IGSF21: variants seen among roughly 807,000 people sequenced by gnomAD.
IGSF21 encodes the protein immunoglobulin superfamily member 21.
Under a neutral mutation model 46.8 loss-of-function variants are expected in IGSF21, and 28 were observed. That is an observed-to-expected ratio of 0.60 (90% CI 0.44 to 0.82). The LOEUF (loss-of-function observed/expected upper bound fraction) is 0.82. IGSF21 is among the 40% of genes least tolerant of loss of function. IGSF21 has a pLI of 0.00. For missense variants in IGSF21, 624 were observed against 665.5 expected, an observed-to-expected ratio of 0.94 and a Z score of 0.69; for synonymous variants, 284 against 273.6, an observed-to-expected ratio of 1.04 and a Z score of -0.38.
chr1:18,286,882 G>A (rs1216130777), intron 2 of IGSF21, among the ~76,000 whole-genome samples: 1 of 152,096 alleles, frequency 6.6e-6, no homozygotes, highest in Non-Finnish European at 1.5e-5. Flanking sequence ...GGACAGGACA[G>A]ATAAAGACCC....
intron 4 of IGSF21, among the ~76,000 whole-genome samples, chr1:18,340,067 T>C (rs1054740601): frequency 6.6e-6 from 1 of 152,204 alleles, no homozygotes; most frequent in Non-Finnish European, 1.5e-5. Flanking sequence ...TTCAAATATA[T>C]TATAAGGTGA....
chr1:18,374,978 C>A (rs1027680039), intron 6 of IGSF21, among the ~76,000 whole-genome samples: 7 of 152,196 alleles, frequency 4.6e-5, no homozygotes, highest in African/African-American at 1.7e-4. Flanking sequence ...CCCTCCCTGA[C>A]CTGCCTCTGT....
chr1:18,123,439 C>T (rs1280158930), intron 1 of IGSF21, among the ~76,000 whole-genome samples: 2 of 152,174 alleles, frequency 1.3e-5, no homozygotes, highest in Non-Finnish European at 2.9e-5. Context: ...GGCTGGGGCT[C>T]CAGAGACAAA....
intron 4 of IGSF21, among the ~76,000 whole-genome samples, chr1:18,354,278 C>T (rs1474719481): frequency 6.6e-6 from 1 of 152,184 alleles, no homozygotes; most frequent in Non-Finnish European, 1.5e-5. Context: ...GAGGGAACCA[C>T]AGGCAGCTCA....
chr1:18,233,944 G>A (rs1447053255), intron 2 of IGSF21, among the ~76,000 whole-genome samples: 2 of 152,122 alleles, frequency 1.3e-5, no homozygotes, highest in African/African-American at 4.8e-5. Context: ...CCTTCACAAT[G>A]TTTCATTATT....
chr1:18,148,360 C>T (rs1361913954), intron 1 of IGSF21, among the ~76,000 whole-genome samples: 1 of 152,066 alleles, frequency 6.6e-6, no homozygotes, highest in Admixed American at 6.6e-5. Context: ...TCTCGATCTC[C>T]TGACCTCATG....
chr1:18,282,555 G>A (rs1302416894), intron 2 of IGSF21, among the ~76,000 whole-genome samples: 2 of 151,778 alleles, frequency 1.3e-5, no homozygotes, highest in African/African-American at 2.4e-5. Context: ...CTTTGTATTC[G>A]ACTGGTGGGT....
chr1:18,231,251 A>C (rs12037086), intron 2 of IGSF21, among the ~76,000 whole-genome samples: 33,467 of 152,230 alleles, frequency 0.22, 4,200 homozygotes, highest in Non-Finnish European at 0.28. Flanking sequence ...CTGAGCTGTC[A>C]GAAAACATCA....
At chr1:18,108,770 G>A (rs1213970229) in intron 1 of IGSF21, among the ~76,000 whole-genome samples, 1 of 151,798 alleles carries the variant, frequency 6.6e-6, no homozygotes, top group Non-Finnish European at 1.5e-5. Context: ...GGTCTCTAGG[G>A]GTGTACGACA....
At chr1:18,235,763 G>A (rs1265314393) in intron 2 of IGSF21, among the ~76,000 whole-genome samples, 2 of 152,092 alleles carry the variant, frequency 1.3e-5, no homozygotes, top group African/African-American at 2.4e-5. Context: ...GAAGTAACAG[G>A]GTCTGGTTTA....
At position 18,360,546 on chromosome 1, in the gene IGSF21, G is replaced by A. The variant is rs118034293; in HGVS notation, c.425-1569G>A. Among the ~76,000 whole-genome samples the A allele has an allele frequency of 6.1e-4, 93 of 152,180 alleles. 1 individual carries two copies. In the East Asian group the frequency reaches 0.014, roughly 23 times the overall value. On this transcript the variant is annotated intron_variant, in intron 4 of 9. Coordinates refer to ENST00000251296, the MANE Select transcript of IGSF21 (RefSeq NM_032880.5). ...TAGTAGGTGTCAGGAAATGTTTGTC[G>A]AATTTAATTAAACTTAACTAGAGTG...
intron 1 of IGSF21, among the ~76,000 whole-genome samples, chr1:18,158,581 C>T (rs1210710215): frequency 6.6e-6 from 1 of 152,152 alleles, no homozygotes; most frequent in Non-Finnish European, 1.5e-5. Context: ...CCTTGCTGCC[C>T]TTGCCCAGGG....
In IGSF21 at chr1:18,297,348, G is replaced by A. The variant is rs116382850; in HGVS notation, c.305+5361G>A. Among the ~76,000 whole-genome samples, 709 of 152,180 alleles carry A rather than the reference G, an allele frequency of 4.7e-3. 9 individuals carry two copies. The highest frequency in any genetic ancestry group is 0.016 in the African/African-American group (657 of 41,518). Reference sequence around the variant, plus strand: ...TTAGGAAAGGAACATCCAGGCCCCCGTTCCTTCCCCCAACACTCACATCAT... The same window carrying A: ...TTAGGAAAGGAACATCCAGGCCCCCATTCCTTCCCCCAACACTCACATCAT... On this transcript the variant is annotated intron_variant, in intron 3 of 9. Transcript: ENST00000251296.
intron 2 of IGSF21, among the ~76,000 whole-genome samples, chr1:18,243,011 C>T (rs1229323996): frequency 6.6e-6 from 1 of 152,152 alleles, no homozygotes; most frequent in Admixed American, 6.5e-5. Context: ...ATCTGACTCC[C>T]ATCAGGCGCT....
At chr1:18,110,699 C>G (rs900743124) in intron 1 of IGSF21, 2 of 152,360 alleles carry the variant, frequency 1.3e-5, no homozygotes, top group Non-Finnish European at 2.9e-5. Flanking sequence ...GAATCAGACC[C>G]TCCAAAGGAG....
At chr1:18,376,755 A>G in intron 7 of IGSF21, 45 bp from the exon 8 acceptor site, 2 of 1,534,424 alleles carry the variant, frequency 1.3e-6, no homozygotes, top group Non-Finnish European at 8.8e-7. Context: ...GATCTGGCAG[A>G]ATGGGCCCTC....
intron 1 of IGSF21, among the ~76,000 whole-genome samples, chr1:18,190,919 C>G (rs12731161): frequency 0.6 from 91,603 of 151,944 alleles, 28,587 homozygotes; most frequent in South Asian, 0.72. Flanking sequence ...GGAAAAGGCT[C>G]GGGTGGGTGG....
rs75965466 is a variant in IGSF21 at position 18,292,757 on chromosome 1, C to T, written c.305+770C>T. Reference sequence around the variant, plus strand: ...ATCAGCCTTCAGAACCCCACTCCAGCAATTCCACCCATGGGAGCCCTCACC... The same window carrying T: ...ATCAGCCTTCAGAACCCCACTCCAGTAATTCCACCCATGGGAGCCCTCACC... On this transcript the variant is annotated intron_variant, in intron 3 of 9. Coordinates refer to ENST00000251296, the MANE Select transcript of IGSF21 (RefSeq NM_032880.5). Among the ~76,000 whole-genome samples, 17 of 152,308 alleles carry T rather than the reference C, an allele frequency of 1.1e-4. No individual in the cohort carries two copies. The East Asian group carries it at 3.1e-3, about 28-fold the overall frequency.
intron 1 of IGSF21, among the ~76,000 whole-genome samples, chr1:18,184,491 C>G (rs17488361): frequency 0.035 from 5,324 of 152,254 alleles, 167 homozygotes; most frequent in South Asian, 0.11. Flanking sequence ...TCATTTTCCT[C>G]GAATGAGATT....
Sources: gnomAD v4.1 joint callset for allele counts (sites outside exome capture counted in the v4.1 genomes callset) on GRCh38, gnomAD v4.1.1 for gene constraint, MANE v1.5 for transcripts, NCBI Gene and HGNC (gene_info 2026-07-23, HGNC 2026-07-21) for gene names.